The following LINGO2 variants were observed in gnomAD, a reference collection of about 807,000 sequenced individuals.
The protein encoded by LINGO2 is leucine-rich repeat and immunoglobulin-like domain-containing nogo receptor-interacting protein 2.
Under a neutral mutation model 30.6 loss-of-function variants are expected in LINGO2, and 14 were observed. The observed-to-expected ratio is 0.46, with a 90% CI of 0.30 to 0.72. LINGO2 has a LOEUF of 0.72. Ranked by LOEUF, LINGO2 falls within the 30% of genes least tolerant of loss-of-function variation. The pLI, the probability that LINGO2 is intolerant of heterozygous loss-of-function variation, is 0.07. For missense variants in LINGO2, 729 were observed against 751.7 expected (o/e 0.97, Z 0.35); for synonymous variants, 317 against 288.5 (o/e 1.10, Z -1.00).
the LINGO2 span, among the ~76,000 whole-genome samples, chr9:28,937,511 T>C: frequency 6.6e-6 from 1 of 152,170 alleles, no homozygotes; most frequent in Non-Finnish European, 1.5e-5. Context: ...TTCCAGAGAA[T>C]AATTCTCTTT....
the LINGO2 span, among the ~76,000 whole-genome samples, chr9:28,728,120 A>C: frequency 2.0e-5 from 3 of 152,124 alleles, no homozygotes; most frequent in Non-Finnish European, 2.9e-5. Context: ...TCCAGTTTTA[A>C]AGAAGTGTAG....
intron 4 of LINGO2, among the ~76,000 whole-genome samples, chr9:28,206,312 C>T (rs190608915): frequency 1.7e-4 from 26 of 151,816 alleles, no homozygotes; most frequent in East Asian, 1.6e-3. Flanking sequence ...AGCACATTTT[C>T]TTAGCACTCA....
chr9:27,997,433 T>A (rs891375195), intron 5 of LINGO2, among the ~76,000 whole-genome samples: 24 of 151,990 alleles, frequency 1.6e-4, no homozygotes, highest in African/African-American at 5.3e-4. Flanking sequence ...TGAGTCCAGA[T>A]GAACTTCAAA....
chr9:28,294,162 A>ACTT (rs1198601255), intron 4 of LINGO2, among the ~76,000 whole-genome samples: 2 of 152,212 alleles, frequency 1.3e-5, no homozygotes, highest in Non-Finnish European at 2.9e-5. Context: ...TGTTTATTAA[A>ACTT]CTTTAAAAGA....
the LINGO2 span, among the ~76,000 whole-genome samples, chr9:28,854,487 T>C: frequency 6.6e-6 from 1 of 152,008 alleles, no homozygotes; most frequent in African/African-American, 2.4e-5. Context: ...GCTTATACAT[T>C]GAAAACAGAA....
chr9:28,073,548 T>A (rs1825541700), intron 4 of LINGO2, among the ~76,000 whole-genome samples: 1 of 152,094 alleles, frequency 6.6e-6, no homozygotes, highest in East Asian at 1.9e-4. Context: ...GATCAGTAAT[T>A]AAAGGAACCA....
the LINGO2 span, among the ~76,000 whole-genome samples, chr9:29,098,009 G>A: frequency 1.1e-5 from 1 of 88,876 alleles, no homozygotes. Context: ...ATAAAATACA[G>A]GGTTTTATTT....
chr9:27,978,594 T>C (rs1207245360), intron 5 of LINGO2, among the ~76,000 whole-genome samples: 1 of 152,028 alleles, frequency 6.6e-6, no homozygotes, highest in Non-Finnish European at 1.5e-5. Context: ...ACCACATATA[T>C]TGGTGCCTTC....
chr9:28,600,246 T>G (rs1825404009), intron 1 of LINGO2, among the ~76,000 whole-genome samples: 1 of 152,146 alleles, frequency 6.6e-6, no homozygotes, highest in East Asian at 1.9e-4. Context: ...AATAATGGCT[T>G]AAAGGGACTT....
chr9:29,175,410 T>C, the LINGO2 span, among the ~76,000 whole-genome samples: 3 of 152,326 alleles, frequency 2.0e-5, no homozygotes, highest in Admixed American at 2.0e-4. Context: ...GAAGATTGCA[T>C]GCTTTATTGA....
chr9:28,714,838 T>C, the LINGO2 span, among the ~76,000 whole-genome samples: 1 of 152,302 alleles, frequency 6.6e-6, no homozygotes, highest in South Asian at 2.1e-4. Context: ...CTTTATGTTA[T>C]GTTTAGTTAT....
chr9:28,148,840 C>G lies in LINGO2; in HGVS notation c.-86-136435G>C. 1 of 1,533,638 alleles carries G rather than the reference C, an allele frequency of 6.5e-7. No homozygotes were observed. On this transcript the variant is annotated intron_variant, in intron 4 of 5. Coordinates refer to ENST00000379992, the Ensembl canonical transcript of LINGO2. The surrounding 1 kb of genome is among the most constrained non-coding windows in gnomAD (Gnocchi z 5.1). ...CCTTGAAGGTGCTGGGTAAAGACCA[C>G]CTGCCCAGCTCTCCAGGCTTGCTGA... is the stretch of plus-strand genomic sequence containing the variant.
At chr9:28,052,474 G>A (rs1342363225) in intron 4 of LINGO2, among the ~76,000 whole-genome samples, 1 of 151,958 alleles carries the variant, frequency 6.6e-6, no homozygotes, top group Non-Finnish European at 1.5e-5. Flanking sequence ...TTTCACTATT[G>A]GGAACATCAT....
At chr9:28,066,486 T>C (rs1231579725) in intron 4 of LINGO2, among the ~76,000 whole-genome samples, 1 of 152,112 alleles carries the variant, frequency 6.6e-6, no homozygotes, top group Non-Finnish European at 1.5e-5. Context: ...TGTATCATGA[T>C]CTCAGTCCCT....
the LINGO2 span, among the ~76,000 whole-genome samples, chr9:29,113,136 T>C: frequency 7.2e-5 from 11 of 152,224 alleles, no homozygotes; most frequent in Non-Finnish European, 1.3e-4. Context: ...GAATAAACCA[T>C]GCATGGATTT....
At chr9:28,550,400 A>T (rs756674314) in intron 1 of LINGO2, among the ~76,000 whole-genome samples, 4 of 151,818 alleles carry the variant, frequency 2.6e-5, no homozygotes, top group Non-Finnish European at 5.9e-5. Context: ...CTTCTGTTTA[A>T]ATTAACTGAG....
At chr9:29,140,832 A>G in the LINGO2 span, among the ~76,000 whole-genome samples, 1 of 152,128 alleles carries the variant, frequency 6.6e-6, no homozygotes, top group East Asian at 1.9e-4. Flanking sequence ...TAGCAGAATT[A>G]TCAGCAGAAA....
At chr9:28,072,742 C>G (rs1825515879) in intron 4 of LINGO2, among the ~76,000 whole-genome samples, 1 of 151,974 alleles carries the variant, frequency 6.6e-6, no homozygotes, top group Non-Finnish European at 1.5e-5. Context: ...GTAAAATACC[C>G]CAGAGTCTTG....
rs374259340 is a variant in LINGO2, at chr9:28,400,797, C to T, written c.-278-27929G>A. ...AAAGATGAAATTTAAGAGAACAACA[C>T]GAGTAAGGTAAAGGGAGCATGTAAG... On this transcript the variant is annotated intron_variant, in intron 2 of 5. Coordinates refer to ENST00000379992, the Ensembl canonical transcript of LINGO2. Among the ~76,000 whole-genome samples, 11 of 151,948 alleles carry T rather than the reference C, an allele frequency of 7.2e-5. No homozygotes were observed. The East Asian group carries it at 9.7e-4, about 13-fold the overall frequency.
Sources: allele counts gnomAD v4.1 joint callset (sites outside exome capture counted in the v4.1 genomes callset), GRCh38; gene constraint gnomAD v4.1.1; non-coding constraint Gnocchi (gnomAD v3.1); transcripts MANE v1.5; gene names NCBI Gene and HGNC (gene_info 2026-07-23, HGNC 2026-07-21).